The following MECOM variants were observed in gnomAD, a reference collection of about 807,000 sequenced individuals.
MECOM encodes histone-lysine N-methyltransferase MECOM.
Under a neutral mutation model 116.3 loss-of-function variants are expected in MECOM, and 13 were observed. The ratio of observed to expected loss-of-function variants is 0.11; its 90% confidence interval spans 0.07 to 0.18. The LOEUF (loss-of-function observed/expected upper bound fraction) is 0.18, where lower values mean the gene tolerates loss of function less well. Ranked by LOEUF, MECOM falls within the 10% of genes least tolerant of loss-of-function variation. MECOM has a pLI of 1.00. For missense variants in MECOM, 1,299 were observed against 1,509.0 expected, an observed-to-expected ratio of 0.86 and a Z score of 2.31; for synonymous variants, 528 against 535.2, an observed-to-expected ratio of 0.99 and a Z score of 0.19.
At chr3:169,257,335 T>G (rs1334659773) in intron 2 of MECOM, among the ~76,000 whole-genome samples, 1 of 152,188 alleles carries the variant, frequency 6.6e-6, no homozygotes, top group East Asian at 1.9e-4. Flanking sequence ...TAGGGAATGT[T>G]CAAAGATGAG....
At chr3:169,188,726 A>G (rs1435299169) in intron 2 of MECOM, among the ~76,000 whole-genome samples, 2 of 152,064 alleles carry the variant, frequency 1.3e-5, no homozygotes, top group African/African-American at 4.8e-5. Context: ...ATCTCATTTT[A>G]CCAACTCTGC....
At chr3:169,476,655 T>C (rs981398872) in intron 1 of MECOM, among the ~76,000 whole-genome samples, 15 of 152,068 alleles carry the variant, frequency 9.9e-5, no homozygotes, top group Non-Finnish European at 1.6e-4. Flanking sequence ...GTACTCATGC[T>C]CTCTGCAAGT....
chr3:169,633,918 A>C (rs1772405350), intron 1 of MECOM, among the ~76,000 whole-genome samples: 1 of 125,828 alleles, frequency 7.9e-6, no homozygotes, highest in African/African-American at 2.8e-5. Flanking sequence ...AAAAAAAAAA[A>C]CAAAAAACAA....
intron 2 of MECOM, 86 bp from the exon 3 acceptor site, chr3:169,143,918 T>C (rs778175944): frequency 7.2e-7 from 1 of 1,386,758 alleles, no homozygotes; most frequent in Admixed American, 2.5e-5. Context: ...TTCATTGAAA[T>C]GTATATTCCT....
chr3:169,096,436 AATTTTTGT>A (rs969280269), intron 12 of MECOM, among the ~76,000 whole-genome samples: 1 of 151,856 alleles, frequency 6.6e-6, no homozygotes, highest in East Asian at 1.9e-4. Flanking sequence ...ATGCTCGGCT[AATTTTTGT>A]ATTTTTGTAG....
chr3:169,578,119 G>A (rs1252225707), intron 1 of MECOM, among the ~76,000 whole-genome samples: 1 of 152,046 alleles, frequency 6.6e-6, no homozygotes, highest in Non-Finnish European at 1.5e-5. Flanking sequence ...TAAATTAAGG[G>A]TAGTCTAAAT....
chr3:169,575,755 A>T (rs1305667505), intron 1 of MECOM, among the ~76,000 whole-genome samples: 2 of 152,130 alleles, frequency 1.3e-5, no homozygotes, highest in Non-Finnish European at 2.9e-5. Context: ...TGACAAAGAT[A>T]TCAGTTAAGG....
intron 2 of MECOM, among the ~76,000 whole-genome samples, chr3:169,336,215 A>C (rs1024583028): frequency 1.3e-5 from 2 of 152,128 alleles, no homozygotes; most frequent in Non-Finnish European, 2.9e-5. Flanking sequence ...TTTTCAAAAA[A>C]TATGACACAA....
chr3:169,342,313 T>C (rs1408973438), intron 2 of MECOM, among the ~76,000 whole-genome samples: 2 of 151,980 alleles, frequency 1.3e-5, no homozygotes, highest in African/African-American at 4.8e-5. Context: ...GATTTTTGAA[T>C]GGTTTTTAAC....
At chr3:169,633,329 G>A (rs1772314317) in intron 1 of MECOM, among the ~76,000 whole-genome samples, 2 of 152,220 alleles carry the variant, frequency 1.3e-5, no homozygotes, top group Non-Finnish European at 2.9e-5. Context: ...TTCTCAGGAA[G>A]TCAGCAATGA....
chr3:169,588,798 TG>T (rs977487723), intron 1 of MECOM, among the ~76,000 whole-genome samples: 16 of 152,168 alleles, frequency 1.1e-4, no homozygotes, highest in African/African-American at 3.9e-4. Context: ...AAGGACACAT[TG>T]GCAAGCAAGG....
chr3:169,143,716 T>G lies in MECOM; in HGVS notation c.492A>C (p.Ala164=). ...AGCYDQHNLV[A]CQINDQIFYR... is the part of the protein sequence containing the mutation. The stretch of plus-strand genomic sequence containing the variant: ...AACATACCTGATCATTTATCTGGCA[T>G]GCAACAAGGTTGTGCTGATCATAAC... The change falls in exon 3 of 17, where the codon GCA becomes GCC. Residue 164 remains alanine (A), a synonymous_variant. Coordinates refer to ENST00000651503, the MANE Select transcript of MECOM (RefSeq NM_004991.4). The G allele has an allele frequency of 6.2e-7, 1 of 1,601,580 alleles. No individual in the cohort carries two copies. Among genetic ancestry groups the G allele is most frequent in the Non-Finnish European group, 8.5e-7 (1 of 1,174,394 alleles).
intron 2 of MECOM, among the ~76,000 whole-genome samples, chr3:169,185,614 T>G (rs1746600796): frequency 6.6e-6 from 1 of 152,210 alleles, no homozygotes; most frequent in African/African-American, 2.4e-5. Flanking sequence ...AAAGTCTTCC[T>G]TGAAGGCTTC....
chr3:169,119,977 G>A lies in MECOM; in HGVS notation c.1132+1079C>T, dbSNP rs115422127. ...GACACACAAAAGAAAGCTGTGTCGA[G>A]GCAAAGGAGAGTTAGTCTCTGGCAT... On this transcript the variant is annotated intron_variant, in intron 7 of 16. Transcript: ENST00000651503. Among the ~76,000 whole-genome samples, 660 of 152,228 alleles carry A rather than the reference G, an allele frequency of 4.3e-3. 2 individuals are homozygous for A. Among genetic ancestry groups the A allele is most frequent in the Non-Finnish European group, 6.6e-3 (452 of 68,014 alleles).
chr3:169,558,059 T>C (rs1366988951), intron 1 of MECOM, among the ~76,000 whole-genome samples: 1 of 152,194 alleles, frequency 6.6e-6, no homozygotes, highest in Admixed American at 6.5e-5. Flanking sequence ...ATTCATACCT[T>C]TGTTGATTCC....
At chr3:169,198,194 A>T (rs1012701466) in intron 2 of MECOM, among the ~76,000 whole-genome samples, 1 of 152,086 alleles carries the variant, frequency 6.6e-6, no homozygotes, top group African/African-American at 2.4e-5. Flanking sequence ...ACCAGTTCAT[A>T]ACAACAGATA....
chr3:169,332,023 A>G (rs114085058), intron 2 of MECOM, among the ~76,000 whole-genome samples: 1 of 148,566 alleles, frequency 6.7e-6, no homozygotes, highest in Non-Finnish European at 1.5e-5. Context: ...AAAAAAAAAA[A>G]GGATTATTGA....
At chr3:169,322,475 A>G (rs947625477) in intron 2 of MECOM, among the ~76,000 whole-genome samples, 2 of 151,916 alleles carry the variant, frequency 1.3e-5, no homozygotes, top group Non-Finnish European at 2.9e-5. Flanking sequence ...GGTGTAAAGA[A>G]CTCCTTCATT....
intron 2 of MECOM, among the ~76,000 whole-genome samples, chr3:169,228,127 C>T (rs1404250519): frequency 6.6e-6 from 1 of 152,188 alleles, no homozygotes; most frequent in Non-Finnish European, 1.5e-5. Flanking sequence ...TGCAGCGTTC[C>T]TGAGCAGTTT....
Sources: allele counts gnomAD v4.1 joint callset (sites outside exome capture counted in the v4.1 genomes callset), GRCh38; gene constraint gnomAD v4.1.1; transcripts MANE v1.5; gene names NCBI Gene and HGNC (gene_info 2026-07-23, HGNC 2026-07-21).